Variants in AGK observed in about 807,000 individuals in gnomAD.
The protein encoded by AGK is acylglycerol kinase, mitochondrial.
A neutral mutation model predicts 66.4 loss-of-function variants in AGK; 52 were observed. That is an observed-to-expected ratio of 0.78 (90% CI 0.63 to 0.99). The LOEUF (loss-of-function observed/expected upper bound fraction) is 0.99, where lower values mean the gene tolerates loss of function less well. Ranked by LOEUF, AGK falls within the 50% of genes least tolerant of loss-of-function variation. AGK has a pLI of 0.00. For synonymous variants in AGK, 182 were observed against 181.1 expected (o/e 1.00, Z -0.04); for missense variants, 451 against 506.6 (o/e 0.89, Z 1.05).
chr7:141,601,929 T>G (rs146201607), intron 5 of AGK, among the ~76,000 whole-genome samples: 1 of 152,274 alleles, frequency 6.6e-6, no homozygotes, highest in Admixed American at 6.5e-5. Context: ...AAAGGATCAT[T>G]TAGTCTAGTT....
intron 2 of AGK, among the ~76,000 whole-genome samples, chr7:141,564,266 T>TA (rs1226683875): frequency 1.3e-5 from 2 of 152,224 alleles, no homozygotes; most frequent in Non-Finnish European, 2.9e-5. Context: ...CTCATGCTTC[T>TA]AATAAAGATA....
At chr7:141,581,182 G>A (rs1034147182) in intron 2 of AGK, among the ~76,000 whole-genome samples, 3 of 151,932 alleles carry the variant, frequency 2.0e-5, no homozygotes, top group Admixed American at 6.5e-5. Flanking sequence ...AATGGGGGCT[G>A]TCTGTGAAGT....
chr7:141,649,322 T>C lies in AGK; in HGVS notation c.1035T>C (p.Phe345=). ...CTGACACCATCAGCAAAGGAGACTT[T>C]ATAACTATAGGGTAAGTGGACTGGG... ...IEPDTISKGD[F]ITIGSRKVRN... The change falls in exon 14 of 16, where the codon TTT becomes TTC. Residue 345 remains phenylalanine (F), a synonymous_variant. Coordinates refer to ENST00000649286, the MANE Select transcript of AGK (RefSeq NM_018238.4). 6.2e-7 allele frequency: 1 copy of C among 1,612,056 alleles called. No individual in the cohort carries two copies. Among genetic ancestry groups the C allele is most frequent in the Non-Finnish European group, 8.5e-7 (1 of 1,178,344 alleles).
At chr7:141,638,124 G>A (rs1797212975) in intron 11 of AGK, among the ~76,000 whole-genome samples, 1 of 152,166 alleles carries the variant, frequency 6.6e-6, no homozygotes. Context: ...AATGAGACAG[G>A]TTTCCTGCCC....
chr7:141,609,253 G>C (rs1460999652), intron 5 of AGK, among the ~76,000 whole-genome samples: 1 of 152,118 alleles, frequency 6.6e-6, no homozygotes, highest in Non-Finnish European at 1.5e-5. Context: ...AACGCCTGGA[G>C]TTAGTGCAGA....
intron 2 of AGK, among the ~76,000 whole-genome samples, chr7:141,572,717 T>C (rs1202514697): frequency 1.3e-5 from 2 of 152,036 alleles, no homozygotes; most frequent in Non-Finnish European, 2.9e-5. Context: ...GATATAGAAA[T>C]AAGAAAGTTG....
chr7:141,599,327 A>G (rs1796293534), intron 4 of AGK: 1 of 152,048 alleles, frequency 6.6e-6, no homozygotes, highest in African/African-American at 2.4e-5. Context: ...TATGTGCCTG[A>G]GTCTGGAAAT....
intron 2 of AGK, among the ~76,000 whole-genome samples, chr7:141,564,483 C>T (rs1206808457): frequency 1.3e-5 from 2 of 151,898 alleles, no homozygotes; most frequent in African/African-American, 4.8e-5. Flanking sequence ...CACTCACTTT[C>T]ATGAGCACAG....
At chr7:141,569,859 A>G (rs1007452970) in intron 2 of AGK, among the ~76,000 whole-genome samples, 3 of 152,158 alleles carry the variant, frequency 2.0e-5, no homozygotes, top group Admixed American at 1.3e-4. Flanking sequence ...GTAAGCTGAG[A>G]TTACCTTCTG....
chr7:141,618,260 C>A (rs749765918), intron 8 of AGK, among the ~76,000 whole-genome samples: 1 of 152,148 alleles, frequency 6.6e-6, no homozygotes, highest in South Asian at 2.1e-4. Flanking sequence ...CCATTTGATA[C>A]GTCCAAAGCA....
chr7:141,653,055 G>T lies in AGK; in HGVS notation c.*131G>T. The T allele has an allele frequency of 9.3e-7, 1 of 1,079,578 alleles. No homozygotes were observed. Among genetic ancestry groups the T allele is most frequent in the East Asian group, 2.5e-5 (1 of 40,122 alleles). 66.9% of individuals were successfully genotyped at this position (1,079,578 alleles called of 1,614,324 possible). A position where few individuals can be genotyped will look rare whatever the true frequency, so the allele number is the denominator to read the frequency against. On this transcript the variant is annotated 3_prime_UTR_variant, in exon 16 of 16. Transcript: ENST00000649286. The stretch of plus-strand genomic sequence containing the variant: ...GCATTTTCATGGCAAGTACCCCTCT[G>T]CCCCCACTCCAGCAGTGCTTCCCAA...
At chr7:141,586,393 T>G (rs1178086925) in intron 2 of AGK, among the ~76,000 whole-genome samples, 1 of 152,176 alleles carries the variant, frequency 6.6e-6, no homozygotes, top group African/African-American at 2.4e-5. Flanking sequence ...TAACCTTCAG[T>G]TTCTCCTGCA....
intron 13 of AGK, among the ~76,000 whole-genome samples, chr7:141,648,160 T>A (rs1797463529): frequency 6.6e-6 from 1 of 152,160 alleles, no homozygotes; most frequent in Non-Finnish European, 1.5e-5. Flanking sequence ...GCCACTGCCA[T>A]CAGCGCCACC....
intron 2 of AGK, among the ~76,000 whole-genome samples, chr7:141,580,115 G>A (rs1289278409): frequency 6.6e-6 from 1 of 152,002 alleles, no homozygotes; most frequent in Non-Finnish European, 1.5e-5. Flanking sequence ...CTTGCATAGT[G>A]AGGAAACCTC....
At position 141,555,342 on chromosome 7, in the gene AGK, GAA is replaced by G; in HGVS notation, c.-14-105_-14-104del. On this transcript the variant is annotated intron_variant, in intron 1 of 15. Coordinates refer to ENST00000649286, the MANE Select transcript of AGK (RefSeq NM_018238.4). This position sits in a 1 kb window ranked among gnomAD's most constrained non-coding sequence, Gnocchi z 4.2. ...GGTAAGGAGGAAGAGGAGTGAGTGG[GAA>G]AAAAAGGAGTGAGAGAGGATAAAAG... 1.5e-6 allele frequency: 1 copy of G among 666,554 alleles called. No individual in the cohort carries two copies. The highest frequency in any genetic ancestry group is 2.4e-6 in the Non-Finnish European group (1 of 411,446). The allele number at this position is 666,554 out of a possible 1,614,324, so 41.3% of individuals were successfully genotyped here.
chr7:141,583,711 G>A lies in AGK; in HGVS notation c.102-9435G>A, dbSNP rs73523628. ...CACCAAGGGAAGATTGTCTTCCTGC[G>A]TCCGTGACTGGTGCCGGAGTTTTGG... On this transcript the variant is annotated intron_variant, in intron 2 of 15. Transcript: ENST00000649286. 5.9e-4 allele frequency among the ~76,000 whole-genome samples: 89 copies of A among 152,064 alleles called. 2 individuals carry two copies. Among genetic ancestry groups the A allele is most frequent in the African/African-American group, 2.0e-3 (82 of 41,348 alleles).
rs140112672 is a variant in AGK at position 141,621,157 on chromosome 7, A to G, written c.519-575A>G. 2.5e-3 allele frequency among the ~76,000 whole-genome samples: 384 copies of G among 152,282 alleles called. 2 individuals are homozygous for G. Among genetic ancestry groups the G allele is most frequent in the African/African-American group, 9.0e-3 (373 of 41,542 alleles). On this transcript the variant is annotated intron_variant, in intron 8 of 15. Coordinates refer to ENST00000649286, the MANE Select transcript of AGK (RefSeq NM_018238.4). ...TCAATAGTACATGCCTTTTGATGAT[A>G]CTTTTTTTAACCTATAGACTTTCCA...
At chr7:141,641,106 C>G in intron 11 of AGK, 142 bp from the exon 12 acceptor site, 1 of 676,872 alleles carries the variant, frequency 1.5e-6, no homozygotes, top group Non-Finnish European at 2.3e-6. Context: ...ATGCTCCAAA[C>G]TAGCATTCCA....
intron 2 of AGK, among the ~76,000 whole-genome samples, chr7:141,571,488 C>T (rs1214347417): frequency 9.2e-5 from 14 of 152,158 alleles, no homozygotes. Flanking sequence ...GATTCCAGTG[C>T]AATTTATTTG....
Sources: allele counts gnomAD v4.1 joint callset (sites outside exome capture counted in the v4.1 genomes callset), GRCh38; gene constraint gnomAD v4.1.1; non-coding constraint Gnocchi (gnomAD v3.1); transcripts MANE v1.5; gene names NCBI Gene and HGNC (gene_info 2026-07-23, HGNC 2026-07-21).